CCDC192: variants seen among roughly 807,000 people sequenced by gnomAD.
The protein encoded by CCDC192 is coiled-coil domain containing 192, also known as coiled-coil domain-containing protein 192.
chr5:127,708,380 C>T (rs564035425), intron 2 of CCDC192, among the ~76,000 whole-genome samples: 1 of 152,262 alleles, frequency 6.6e-6, no homozygotes, highest in African/African-American at 2.4e-5. Context: ...GATGGGTATA[C>T]AGAAGATCAT....
At chr5:127,744,089 G>A (rs1263578041) in intron 2 of CCDC192, among the ~76,000 whole-genome samples, 7 of 115,098 alleles carry the variant, frequency 6.1e-5, no homozygotes, top group Middle Eastern at 5.7e-3. Context: ...GCGAGACTCC[G>A]TCTCAAAAAA....
chr5:127,768,770 G>A (rs1221912212), intron 3 of CCDC192, among the ~76,000 whole-genome samples: 1 of 152,158 alleles, frequency 6.6e-6, no homozygotes, highest in African/African-American at 2.4e-5. Context: ...TAAAGATTTT[G>A]TTGTTTGTTT....
chr5:127,900,565 T>TA (rs1421801112), intron 6 of CCDC192, among the ~76,000 whole-genome samples: 2 of 152,262 alleles, frequency 1.3e-5, no homozygotes, highest in African/African-American at 4.8e-5. Context: ...GTTTTCTTTG[T>TA]AATAAATTCC....
chr5:127,750,388 G>C (rs1561464809), intron 2 of CCDC192, among the ~76,000 whole-genome samples: 3 of 152,154 alleles, frequency 2.0e-5, no homozygotes, highest in African/African-American at 7.2e-5. Flanking sequence ...AGTCATTCAG[G>C]AGCAGGTTGT....
At chr5:127,911,764 T>C (rs1190702517) in intron 6 of CCDC192, among the ~76,000 whole-genome samples, 1 of 148,720 alleles carries the variant, frequency 6.7e-6, no homozygotes, top group African/African-American at 2.5e-5. Context: ...TGGAATGCAG[T>C]GGTGTAATCA....
intron 3 of CCDC192, among the ~76,000 whole-genome samples, chr5:127,755,574 CTGT>C (rs1369046655): frequency 9.4e-5 from 14 of 148,618 alleles, no homozygotes; most frequent in African/African-American, 2.7e-4. Context: ...AGCCTGCCAA[CTGT>C]TGTTTTTTTT....
chr5:127,827,271 C>A (rs1429659110), intron 5 of CCDC192, among the ~76,000 whole-genome samples: 1 of 152,164 alleles, frequency 6.6e-6, no homozygotes, highest in Non-Finnish European at 1.5e-5. Flanking sequence ...GGAGTAAAGG[C>A]TTCTCAGTAG....
chr5:127,851,997 C>G lies in CCDC192; in HGVS notation c.412-23541C>G, dbSNP rs78705969. 2.4e-3 allele frequency among the ~76,000 whole-genome samples: 367 copies of G among 152,256 alleles called. 13 individuals are homozygous for G. The East Asian group carries it at 0.061, about 25-fold the overall frequency. On this transcript the variant is annotated intron_variant, in intron 5 of 6. Transcript: ENST00000514853. The stretch of plus-strand genomic sequence containing the variant: ...TATTTATGGTAATGAAAAATTAAAC[C>G]AGTTTTATAACCATTCAAAATTTAA...
At chr5:127,826,727 G>T (rs1749550246) in intron 5 of CCDC192, among the ~76,000 whole-genome samples, 1 of 150,404 alleles carries the variant, frequency 6.6e-6, no homozygotes, top group Non-Finnish European at 1.5e-5. Flanking sequence ...CCAAACCTCA[G>T]CATCACGTAA....
chr5:127,785,422 T>G (rs1756484863), intron 3 of CCDC192: 1 of 358,176 alleles, frequency 2.8e-6, no homozygotes, highest in African/African-American at 2.1e-5. Context: ...TCTTGAAACA[T>G]CCACTGAAGT....
At chr5:127,735,674 T>C (rs1752941227) in intron 2 of CCDC192, among the ~76,000 whole-genome samples, 1 of 131,808 alleles carries the variant, frequency 7.6e-6, no homozygotes, top group East Asian at 2.5e-4. Context: ...CTAGGTATTT[T>C]ATTCTCTTTG....
At chr5:127,726,393 A>C (rs1167098526) in intron 2 of CCDC192, among the ~76,000 whole-genome samples, 1 of 152,170 alleles carries the variant, frequency 6.6e-6, no homozygotes, top group Non-Finnish European at 1.5e-5. Context: ...TCTTCTCCAT[A>C]AGCTTTCATC....
chr5:127,880,458 G>T (rs1343599654), intron 6 of CCDC192, among the ~76,000 whole-genome samples: 2 of 114,276 alleles, frequency 1.8e-5, no homozygotes, highest in Admixed American at 9.9e-5. Flanking sequence ...GTGGTGGGGT[G>T]GGGGGAGGGG....
chr5:127,847,821 T>TAAATAAA (rs1750624676), intron 5 of CCDC192, among the ~76,000 whole-genome samples: 3 of 142,782 alleles, frequency 2.1e-5, no homozygotes, highest in South Asian at 2.3e-4. Flanking sequence ...AGACTCCATC[T>TAAATAAA]TAAATAAATA....
At chr5:127,924,824 A>T (rs1401317835) in intron 6 of CCDC192, among the ~76,000 whole-genome samples, 1 of 152,170 alleles carries the variant, frequency 6.6e-6, no homozygotes. Flanking sequence ...ATTGCTGAAC[A>T]AGTTCTTAGT....
chr5:127,734,060 A>C, intron 2 of CCDC192, among the ~76,000 whole-genome samples: 1 of 145,488 alleles, frequency 6.9e-6, no homozygotes, highest in African/African-American at 2.6e-5. Context: ...ATATCTCCCG[A>C]TGCTATCCCT....
intron 6 of CCDC192, among the ~76,000 whole-genome samples, chr5:127,917,307 T>A (rs963095134): frequency 1.1e-4 from 16 of 152,214 alleles, no homozygotes; most frequent in African/African-American, 1.4e-4. Flanking sequence ...ATATCAGCAA[T>A]AAGGCTGTTT....
At chr5:127,859,687 C>T (rs1221702992) in intron 5 of CCDC192, among the ~76,000 whole-genome samples, 2 of 152,098 alleles carry the variant, frequency 1.3e-5, no homozygotes, top group African/African-American at 4.8e-5. Flanking sequence ...CTCTGGAAAG[C>T]ACATTAGATT....
chr5:127,833,086 T>G (rs1251935174), intron 5 of CCDC192, among the ~76,000 whole-genome samples: 1 of 152,204 alleles, frequency 6.6e-6, no homozygotes, highest in East Asian at 1.9e-4. Context: ...GTGTAGCTCT[T>G]ATTCAGAAAA....
Sources: gnomAD v4.1 joint callset for allele counts (sites outside exome capture counted in the v4.1 genomes callset) on GRCh38, gnomAD v4.1.1 for gene constraint, MANE v1.5 for transcripts, NCBI Gene and HGNC (gene_info 2026-07-23, HGNC 2026-07-21) for gene names.